UNC13C: variants seen among roughly 807,000 people sequenced by gnomAD.
UNC13C encodes unc-13 homolog C.
A neutral mutation model predicts 245.4 loss-of-function variants in UNC13C; 174 were observed. That is an observed-to-expected ratio of 0.71 (90% CI 0.63 to 0.80). The LOEUF (loss-of-function observed/expected upper bound fraction) is 0.80, where lower values mean the gene tolerates loss of function less well. Among genes scored for constraint, UNC13C ranks in the 30% least tolerant of loss-of-function variants. The pLI, the probability that UNC13C is intolerant of heterozygous loss-of-function variation, is 0.00. For missense variants in UNC13C, 2,829 were observed against 2,602.9 expected, an observed-to-expected ratio of 1.09 and a Z score of -1.89; for synonymous variants, 992 against 895.1, an observed-to-expected ratio of 1.11 and a Z score of -1.93.
At chr15:54,575,179 G>T (rs971253963) in intron 30 of UNC13C, among the ~76,000 whole-genome samples, 1 of 152,124 alleles carries the variant, frequency 6.6e-6, no homozygotes, top group Non-Finnish European at 1.5e-5. Flanking sequence ...GGGATTACAG[G>T]TGCCCGCCAC....
At chr15:54,561,094 A>C (rs530462043) in intron 29 of UNC13C, among the ~76,000 whole-genome samples, 88 of 151,996 alleles carry the variant, frequency 5.8e-4, no homozygotes, top group African/African-American at 2.0e-3. Flanking sequence ...TCCCCAAGCA[A>C]TAGTTCAAAT....
chr15:54,572,189 A>C (rs1897786235), intron 30 of UNC13C, among the ~76,000 whole-genome samples: 1 of 151,906 alleles, frequency 6.6e-6, no homozygotes, highest in South Asian at 2.1e-4. Context: ...CCTGACCTCT[A>C]TGTACACCTC....
Position 53,978,931 on chromosome 15 carries a change from T to C in UNC13C, c.-257+4T>C, listed in dbSNP as rs1893811918. Among the ~76,000 whole-genome samples the C allele has an allele frequency of 1.3e-5, 2 of 152,160 alleles. No individual in the cohort carries two copies. The highest frequency in any genetic ancestry group is 4.8e-5 in the African/African-American group (2 of 41,442). The stretch of plus-strand genomic sequence containing the variant: ...TTTTTAAAGGAGAATTCCTCAGGTA[T>C]GTTCTTTCCTCCGTTGCACGCACTG... On this transcript the variant is annotated splice_donor_region_variant and intron_variant, in intron 1 of 32. Coordinates refer to ENST00000260323, the MANE Select transcript of UNC13C (RefSeq NM_001080534.3).
the UNC13C span, among the ~76,000 whole-genome samples, chr15:53,901,120 G>T: frequency 3.3e-5 from 5 of 150,438 alleles, no homozygotes; most frequent in African/African-American, 1.2e-4. Context: ...TATTATATTC[G>T]ATTAACATAA....
At chr15:54,479,686 G>A (rs892145599) in intron 19 of UNC13C, among the ~76,000 whole-genome samples, 1 of 150,212 alleles carries the variant, frequency 6.7e-6, no homozygotes, top group Non-Finnish European at 1.5e-5. Flanking sequence ...CAATTTTTTG[G>A]GTTTTCAAAG....
chr15:54,424,095 C>G lies in UNC13C; in HGVS notation c.4933+9028C>G, dbSNP rs79178967. ...TTATTCAGGAACAAATGAATATTAT[C>G]TAAACTACTTGAACTTGAATTGTGG... On this transcript the variant is annotated intron_variant, in intron 19 of 32. Transcript: ENST00000260323. Among the ~76,000 whole-genome samples, 123 of 151,814 alleles carry G rather than the reference C, an allele frequency of 8.1e-4. 2 individuals are homozygous for G. In the East Asian group the frequency reaches 0.022, roughly 27 times the overall value.
intron 2 of UNC13C, among the ~76,000 whole-genome samples, chr15:54,135,941 C>A (rs896827475): frequency 6.6e-6 from 1 of 152,048 alleles, no homozygotes; most frequent in Non-Finnish European, 1.5e-5. Context: ...ACTTAAAATG[C>A]AAGCTTTTTA....
rs1163181207 is a variant in UNC13C at position 54,014,232 on chromosome 15, G to A, written c.1329G>A (p.Lys443=). 2 of 1,613,870 alleles carry A rather than the reference G, an allele frequency of 1.2e-6. No homozygotes were observed. Residue 443 remains lysine, a synonymous_variant, in exon 2 of 33, where the codon AAG becomes AAA. Coordinates refer to ENST00000260323, the MANE Select transcript of UNC13C (RefSeq NM_001080534.3). ...KLSTPEPKIK[K]NNWQSPDDSD... The stretch of plus-strand genomic sequence containing the variant: ...CTACTCCAGAGCCAAAAATCAAGAA[G>A]AACAATTGGCAGTCACCTGATGACA...
At position 54,195,542 on chromosome 15, in the gene UNC13C, A is replaced by G. The variant is rs563956489; in HGVS notation, c.3072-39488A>G. Among the ~76,000 whole-genome samples the G allele has an allele frequency of 9.2e-5, 14 of 152,246 alleles. No homozygotes were observed. The East Asian group carries it at 2.7e-3, about 29-fold the overall frequency. The stretch of plus-strand genomic sequence containing the variant: ...ACAGAAGCAGCGCCTTTTGCACCAT[A>G]GATAGACAATGAATACAGCATTAAT... On this transcript the variant is annotated intron_variant, in intron 4 of 32. Coordinates refer to ENST00000260323, the MANE Select transcript of UNC13C (RefSeq NM_001080534.3).
At chr15:54,585,471 A>T (rs991165357) in intron 30 of UNC13C, among the ~76,000 whole-genome samples, 1 of 151,952 alleles carries the variant, frequency 6.6e-6, no homozygotes, top group Non-Finnish European at 1.5e-5. Context: ...GAGTCAAATA[A>T]CCCTCTTTTC....
chr15:53,881,128 G>T, the UNC13C span, among the ~76,000 whole-genome samples: 1 of 149,772 alleles, frequency 6.7e-6, no homozygotes, highest in South Asian at 2.2e-4. Flanking sequence ...CCTCTAAGAA[G>T]TTGGGGATTG....
the UNC13C span, among the ~76,000 whole-genome samples, chr15:53,934,092 CAA>C: frequency 7.9e-5 from 12 of 152,180 alleles, no homozygotes; most frequent in African/African-American, 2.9e-4. Flanking sequence ...ATTGCAAGAG[CAA>C]GAGAGAGAGT....
chr15:54,349,381 G>A (rs1302813060), intron 17 of UNC13C, among the ~76,000 whole-genome samples: 1 of 151,438 alleles, frequency 6.6e-6, no homozygotes, highest in African/African-American at 2.4e-5. Flanking sequence ...GGTAAATAAA[G>A]TAAAAAATGA....
At chr15:54,035,719 A>G (rs926111645) in intron 2 of UNC13C, among the ~76,000 whole-genome samples, 5 of 152,306 alleles carry the variant, frequency 3.3e-5, no homozygotes, top group African/African-American at 1.2e-4. Context: ...GAAGTTTTCC[A>G]TCAACCAAGA....
the UNC13C span, among the ~76,000 whole-genome samples, chr15:53,859,442 G>T: frequency 1.3e-5 from 2 of 152,046 alleles, no homozygotes; most frequent in Non-Finnish European, 2.9e-5. Flanking sequence ...CAGGTTTGTC[G>T]ATATTTCTTA....
At chr15:53,921,506 T>C in the UNC13C span, among the ~76,000 whole-genome samples, 1 of 152,216 alleles carries the variant, frequency 6.6e-6, no homozygotes, top group Admixed American at 6.5e-5. Context: ...GGAGACTATA[T>C]ATTGCATACG....
intron 2 of UNC13C, among the ~76,000 whole-genome samples, chr15:54,073,095 T>C (rs1287542466): frequency 1.3e-5 from 2 of 152,050 alleles, no homozygotes; most frequent in Non-Finnish European, 2.9e-5. Context: ...TGGGTTCTCA[T>C]AGTTCAACTC....
At chr15:54,357,038 C>G (rs957658910) in intron 17 of UNC13C, among the ~76,000 whole-genome samples, 1 of 151,720 alleles carries the variant, frequency 6.6e-6, no homozygotes, top group Non-Finnish European at 1.5e-5. Context: ...GTTTAAATTT[C>G]TTTAGTTTTT....
intron 32 of UNC13C, among the ~76,000 whole-genome samples, chr15:54,624,572 A>G (rs1044030804): frequency 6.6e-6 from 1 of 152,154 alleles, no homozygotes; most frequent in Non-Finnish European, 1.5e-5. Context: ...GGGTTTTCAA[A>G]TGAACAGATG....
Sources: gnomAD v4.1 joint callset for allele counts (sites outside exome capture counted in the v4.1 genomes callset) on GRCh38, gnomAD v4.1.1 for gene constraint, MANE v1.5 for transcripts, NCBI Gene and HGNC (gene_info 2026-07-23, HGNC 2026-07-21) for gene names.